Variants in ME3 observed in about 807,000 individuals in gnomAD.
The protein encoded by ME3 is NADP-dependent malic enzyme, mitochondrial.
ME3 carries 48 observed loss-of-function variants against 68.9 expected under a neutral mutation model. The ratio of observed to expected loss-of-function variants is 0.70; its 90% CI spans 0.55 to 0.89. The LOEUF (loss-of-function observed/expected upper bound fraction) is 0.89, where lower values mean the gene tolerates loss of function less well. Ranked by LOEUF, ME3 falls within the 40% of genes least tolerant of loss-of-function variation. ME3 has a pLI of 0.00. For synonymous variants in ME3, 320 were observed against 318.8 expected (o/e 1.00, Z -0.04); for missense variants, 675 against 797.4 (o/e 0.85, Z 1.85).
At chr11:86,444,104 A>G (rs540433277) in intron 13 of ME3, among the ~76,000 whole-genome samples, 1 of 152,286 alleles carries the variant, frequency 6.6e-6, no homozygotes, top group East Asian at 1.9e-4. Flanking sequence ...GGTGAGTGCA[A>G]TGAGAGGGGA....
intron 2 of ME3, among the ~76,000 whole-genome samples, chr11:86,657,100 C>A (rs1945941463): frequency 6.6e-6 from 1 of 152,172 alleles, no homozygotes; most frequent in Non-Finnish European, 1.5e-5. Flanking sequence ...CCGTTTGACC[C>A]AGCAATCCCA....
intron 2 of ME3, among the ~76,000 whole-genome samples, chr11:86,656,759 A>G (rs948140408): frequency 6.6e-5 from 10 of 152,146 alleles, no homozygotes; most frequent in Non-Finnish European, 1.2e-4. Flanking sequence ...AATAAAAAAA[A>G]TTTACAAGAG....
chr11:86,580,583 T>G (rs10501623), intron 2 of ME3, among the ~76,000 whole-genome samples: 24,153 of 152,120 alleles, frequency 0.16, 3,246 homozygotes, highest in African/African-American at 0.36. Flanking sequence ...TACTTCAGTC[T>G]TAATATCAAA....
intron 2 of ME3, among the ~76,000 whole-genome samples, chr11:86,625,344 A>G (rs1943595959): frequency 6.6e-6 from 1 of 151,908 alleles, no homozygotes. Context: ...TACATCCTAG[A>G]TAACTCAAAG....
chr11:86,652,860 C>A (rs1945555474), intron 2 of ME3, among the ~76,000 whole-genome samples: 1 of 151,366 alleles, frequency 6.6e-6, no homozygotes, highest in Non-Finnish European at 1.5e-5. Flanking sequence ...ATCTCACGTG[C>A]AGAGACACAC....
chr11:86,595,306 T>G (rs10648056), intron 2 of ME3, among the ~76,000 whole-genome samples: 11,458 of 79,686 alleles, frequency 0.14, 1,107 homozygotes, highest in South Asian at 0.18. Context: ...TATATATATA[T>G]AGAGAGAGAG....
At chr11:86,652,091 C>A (rs1398964915) in intron 2 of ME3, among the ~76,000 whole-genome samples, 2 of 152,210 alleles carry the variant, frequency 1.3e-5, no homozygotes, top group East Asian at 1.9e-4. Flanking sequence ...ATATGGGACT[C>A]TGTGAAAAGA....
At chr11:86,498,206 G>C (rs536506489) in intron 5 of ME3, 82 bp from the exon 6 acceptor site, 13 of 1,476,344 alleles carry the variant, frequency 8.8e-6, no homozygotes, top group South Asian at 8.0e-5. Flanking sequence ...AGCCCATCAG[G>C]CTTGGCGACT....
intron 2 of ME3, among the ~76,000 whole-genome samples, chr11:86,630,439 G>T (rs754254074): frequency 1.3e-5 from 2 of 152,164 alleles, no homozygotes; most frequent in African/African-American, 4.8e-5. Flanking sequence ...GGATTGTGCT[G>T]TCTCTGGGTT....
chr11:86,460,201 T>C (rs527771819), intron 8 of ME3, among the ~76,000 whole-genome samples: 3 of 152,310 alleles, frequency 2.0e-5, no homozygotes, highest in South Asian at 4.1e-4. Flanking sequence ...AGTCAGTGCA[T>C]TGGCAGCTCT....
intron 4 of ME3, among the ~76,000 whole-genome samples, chr11:86,556,015 G>A (rs768177696): frequency 6.6e-6 from 1 of 151,902 alleles, no homozygotes; most frequent in Non-Finnish European, 1.5e-5. Context: ...AAACCTGATT[G>A]CTTTAGAAAA....
chr11:86,544,972 A>T (rs906980026), intron 4 of ME3, among the ~76,000 whole-genome samples: 2 of 152,146 alleles, frequency 1.3e-5, no homozygotes, highest in Non-Finnish European at 2.9e-5. Flanking sequence ...AAGCTTATCC[A>T]CCACGATCAA....
chr11:86,553,524 G>A (rs1356713195), intron 4 of ME3, among the ~76,000 whole-genome samples: 2 of 152,202 alleles, frequency 1.3e-5, no homozygotes, highest in African/African-American at 2.4e-5. Context: ...CAAGGCAGGT[G>A]TGGAATCCAC....
intron 4 of ME3, among the ~76,000 whole-genome samples, chr11:86,518,222 A>C (rs1209106793): frequency 6.6e-6 from 1 of 152,090 alleles, no homozygotes; most frequent in Non-Finnish European, 1.5e-5. Context: ...CACTTGGAGA[A>C]ATTGTAGTTT....
intron 2 of ME3, among the ~76,000 whole-genome samples, chr11:86,598,970 C>CA (rs1960097873): frequency 6.6e-6 from 1 of 152,102 alleles, no homozygotes; most frequent in South Asian, 2.1e-4. Flanking sequence ...TCATCAAAGA[C>CA]AAAAAGTAGA....
chr11:86,554,766 A>G (rs1956848926), intron 4 of ME3, among the ~76,000 whole-genome samples: 1 of 152,254 alleles, frequency 6.6e-6, no homozygotes, highest in Non-Finnish European at 1.5e-5. Context: ...CACTGAGTAC[A>G]CAGCATTACT....
At chr11:86,647,346 G>A (rs529915254) in intron 2 of ME3, among the ~76,000 whole-genome samples, 3 of 152,208 alleles carry the variant, frequency 2.0e-5, no homozygotes, top group East Asian at 3.9e-4. Context: ...TTAGCCAGGT[G>A]TGGTGGCGGG....
At chr11:86,662,363 A>T (rs1946337434) in intron 2 of ME3, among the ~76,000 whole-genome samples, 1 of 152,142 alleles carries the variant, frequency 6.6e-6, no homozygotes, top group African/African-American at 2.4e-5. Flanking sequence ...CTGAGGTGGG[A>T]GGATCACTTG....
At chr11:86,634,688 GTGTT>G (rs1944223070) in intron 2 of ME3, among the ~76,000 whole-genome samples, 1 of 1,114 alleles carries the variant, frequency 9.0e-4, no homozygotes, top group African/African-American at 8.6e-3. Context: ...TGGGTCTTTT[GTGTT>G]TTTTTTTGTT....
Sources: allele counts gnomAD v4.1 joint callset (sites outside exome capture counted in the v4.1 genomes callset), GRCh38; gene constraint gnomAD v4.1.1; transcripts MANE v1.5; gene names NCBI Gene and HGNC (gene_info 2026-07-23, HGNC 2026-07-21).